Variants in DIP2A observed in about 807,000 individuals in gnomAD.
The protein encoded by DIP2A is disco-interacting protein 2 homolog A.
A neutral mutation model predicts 177.4 loss-of-function variants in DIP2A; 85 were observed. That is an observed-to-expected ratio of 0.48 (90% confidence interval 0.40 to 0.57). DIP2A has a LOEUF of 0.57. Among genes scored for constraint, DIP2A ranks in the 20% least tolerant of loss-of-function variants. The pLI is 0.00. For missense variants in DIP2A, 1,791 were observed against 2,100.2 expected (o/e 0.85, Z 2.88); for synonymous variants, 886 against 881.8 (o/e 1.00, Z -0.08).
chr21:46,533,957 G>C (rs1242261467), intron 11 of DIP2A, 47 bp from the exon 12 acceptor site: 1 of 1,522,712 alleles, frequency 6.6e-7, no homozygotes, highest in Non-Finnish European at 9.0e-7. Context: ...GTGGGGAGCA[G>C]ATGCCTCTGA....
intron 3 of DIP2A, among the ~76,000 whole-genome samples, chr21:46,495,281 T>TCTCTCTCTCTCTCTCTC (rs1555883154): frequency 6.8e-6 from 1 of 147,504 alleles, no homozygotes. Context: ...TCTCTCTCTG[T>TCTCTCTCTCTCTCTCTC]TTTTGAGATG....
intron 8 of DIP2A, among the ~76,000 whole-genome samples, chr21:46,527,952 C>G (rs1297870529): frequency 6.6e-6 from 1 of 152,136 alleles, no homozygotes; most frequent in Admixed American, 6.5e-5. Flanking sequence ...CTTTTCCTTT[C>G]TCTATTGTCC....
chr21:46,497,158 C>G (rs1419722491), intron 4 of DIP2A, 51 bp downstream of exon 4: 9 of 1,583,410 alleles, frequency 5.7e-6, no homozygotes, highest in Non-Finnish European at 7.7e-6. Flanking sequence ...TTTCACAGGC[C>G]TGATGTTATC....
At chr21:46,517,054 CTTTTTTTTTT>C (rs71318086) in intron 8 of DIP2A, among the ~76,000 whole-genome samples, 10 of 60,882 alleles carry the variant, frequency 1.6e-4, no homozygotes, top group East Asian at 1.3e-3. Flanking sequence ...TTTTCTCTCT[CTTTTTTTTTT>C]TTTTTTTTTT....
intron 22 of DIP2A, chr21:46,550,099 T>C: frequency 1.6e-6 from 2 of 1,243,784 alleles, no homozygotes; most frequent in African/African-American, 3.0e-5. Context: ...TATAGAATAA[T>C]TAATATATCC....
At chr21:46,538,690 G>A in intron 16 of DIP2A, 88 bp downstream of exon 16, 1 of 1,487,738 alleles carries the variant, frequency 6.7e-7, no homozygotes, top group Non-Finnish European at 9.0e-7. Context: ...CAAAATGGAG[G>A]CATTTTCACT....
rs570923474 is a variant in DIP2A, at chr21:46,562,945, G to A, written c.4090-913G>A. On this transcript the variant is annotated intron_variant, in intron 34 of 37. Coordinates refer to ENST00000417564, the MANE Select transcript of DIP2A (RefSeq NM_015151.4). ...TTTCCCTGGGTCATGGGGCCTCCAC[G>A]TCGCTCTTTTCCCTGCCCTGCCATG... Among the ~76,000 whole-genome samples, 42 of 152,300 alleles carry A rather than the reference G, an allele frequency of 2.8e-4. 1 individual carries two copies. Among genetic ancestry groups the A allele is most frequent in the African/African-American group, 8.7e-4 (36 of 41,560 alleles).
In DIP2A at chr21:46,509,396, G is replaced by C; in HGVS notation, c.904+20G>C. 1 of 1,594,074 alleles carries C rather than the reference G, an allele frequency of 6.3e-7. No individual in the cohort carries two copies. Among genetic ancestry groups the C allele is most frequent in the South Asian group, 1.1e-5 (1 of 87,964 alleles). On this transcript the variant is annotated intron_variant, in intron 7 of 37. Transcript: ENST00000417564. ...TGGAAGGTAAGAGTTGTCCAACTTT[G>C]AGCTTTTCTGTTTGTATGAAAAGGG... is the stretch of plus-strand genomic sequence containing the variant.
At position 46,498,727 on chromosome 21, in the gene DIP2A, C is replaced by A. The variant is rs375033500; in HGVS notation, c.549C>A (p.Thr183=). The A allele has an allele frequency of 1.5e-5, 24 of 1,613,790 alleles. No individual in the cohort carries two copies. The highest frequency in any genetic ancestry group is 1.9e-5 in the Non-Finnish European group (23 of 1,179,892). Residue 183 remains threonine, a synonymous_variant, in exon 5 of 38, where the codon ACC becomes ACA. Transcript: ENST00000417564. The surrounding 1 kb of genome is among the most constrained non-coding windows in gnomAD (Gnocchi z 4.3). ...GSSTSSSASS[T]SSHPGGRPTT... is the part of the protein sequence containing the mutation. ...CCACCTCATCCTCTGCATCCTCCAC[C>A]TCATCTCACCCGGGAGGGAGACCCA...
chr21:46,556,375 A>C lies in DIP2A; in HGVS notation c.3498+284A>C. ...TTGAAGAATCTCTTACCTTGCTGGGAGTCAATAGCTCAATTAAAATTTTTC... is the reference window on the plus strand; with the variant it reads ...TTGAAGAATCTCTTACCTTGCTGGGCGTCAATAGCTCAATTAAAATTTTTC... On this transcript the variant is annotated intron_variant, in intron 29 of 37. Coordinates refer to ENST00000417564, the MANE Select transcript of DIP2A (RefSeq NM_015151.4). The surrounding 1 kb of genome is among the most constrained non-coding windows in gnomAD (Gnocchi z 4.5). 7.2e-7 allele frequency: 1 copy of C among 1,394,274 alleles called. No individual in the cohort carries two copies. Among genetic ancestry groups the C allele is most frequent in the Non-Finnish European group, 9.5e-7 (1 of 1,047,622 alleles). 86.4% of individuals were successfully genotyped at this position (1,394,274 alleles called of 1,614,324 possible). A position where few individuals can be genotyped will look rare whatever the true frequency, so the allele number is the denominator to read the frequency against.
chr21:46,490,010 G>A (rs2056916392), intron 2 of DIP2A, among the ~76,000 whole-genome samples: 2 of 152,182 alleles, frequency 1.3e-5, no homozygotes, highest in Admixed American at 6.5e-5. Context: ...TGGGTGGTGC[G>A]GCGAGGGCAG....
chr21:46,466,232 TAC>T (rs2054817252), intron 1 of DIP2A, among the ~76,000 whole-genome samples: 1 of 152,126 alleles, frequency 6.6e-6, no homozygotes, highest in South Asian at 2.1e-4. Flanking sequence ...TGCACCACGT[TAC>T]AAAGTCATAG....
In DIP2A at chr21:46,490,725, G is replaced by A; in HGVS notation, c.283+6G>A. The A allele has an allele frequency of 6.4e-7, 1 of 1,569,038 alleles. No homozygotes were observed. On this transcript the variant is annotated splice_donor_region_variant and intron_variant, in intron 3 of 37. Transcript: ENST00000417564. ...GGATGAGCGCTTCCGGTCAGGTAGGGTCACAGCCTAGGCAGTGGGGAAGGT... is the reference window on the plus strand; with the variant it reads ...GGATGAGCGCTTCCGGTCAGGTAGGATCACAGCCTAGGCAGTGGGGAAGGT...
intron 17 of DIP2A, 114 bp from the exon 18 acceptor site, chr21:46,541,642 C>T: frequency 8.0e-7 from 1 of 1,255,624 alleles, no homozygotes; most frequent in Admixed American, 1.8e-5. Flanking sequence ...TCTCACAAGT[C>T]TGTAACATGG....
At position 46,557,894 on chromosome 21, in the gene DIP2A, C is replaced by T; in HGVS notation, c.3798+141C>T. 2 of 1,076,664 alleles carry T rather than the reference C, an allele frequency of 1.9e-6. No individual in the cohort carries two copies. The highest frequency in any genetic ancestry group is 2.6e-6 in the Non-Finnish European group (2 of 764,852). The allele number at this position is 1,076,664 out of a possible 1,614,324, so 66.7% of individuals were successfully genotyped here. A position where few individuals can be genotyped will look rare whatever the true frequency, so the allele number is the denominator to read the frequency against. ...AGAAAACCCTTTCCCACTAGGGGCC[C>T]TATGTACACATCTGTCCTCCCACGG... is the stretch of plus-strand genomic sequence containing the variant. On this transcript the variant is annotated intron_variant, in intron 31 of 37. Coordinates refer to ENST00000417564, the MANE Select transcript of DIP2A (RefSeq NM_015151.4). This position sits in a 1 kb window ranked among gnomAD's most constrained non-coding sequence, Gnocchi z 6.0.
chr21:46,513,309 C>T (rs1285177242), intron 8 of DIP2A, among the ~76,000 whole-genome samples: 1 of 152,144 alleles, frequency 6.6e-6, no homozygotes, highest in Non-Finnish European at 1.5e-5. Flanking sequence ...AAGTTGGAGT[C>T]ATTTTCTTAT....
chr21:46,462,835 G>C (rs1380649243), intron 1 of DIP2A: 1 of 152,166 alleles, frequency 6.6e-6, no homozygotes, highest in Non-Finnish European at 1.5e-5. Context: ...AGTATCCTCT[G>C]CCTTTCTTCA....
chr21:46,573,682 A>AAAAAAAAAAAAAC (rs2060979878), downstream of DIP2A, among the ~76,000 whole-genome samples: 1 of 130,766 alleles, frequency 7.6e-6, no homozygotes, highest in Non-Finnish European at 1.6e-5. Flanking sequence ...AAAAAAAAAA[A>AAAAAAAAAAAAAC]AGATATTCCA....
intron 17 of DIP2A, among the ~76,000 whole-genome samples, chr21:46,541,009 CTG>C (rs1340979398): frequency 1.5e-5 from 2 of 132,236 alleles, no homozygotes; most frequent in African/African-American, 5.9e-5. Context: ...GAGTGAAACT[CTG>C]TGTCAAAAAA....
Sources: gnomAD v4.1 joint callset for allele counts (sites outside exome capture counted in the v4.1 genomes callset) on GRCh38, gnomAD v4.1.1 for gene constraint, Gnocchi (gnomAD v3.1) non-coding constraint, MANE v1.5 for transcripts, NCBI Gene and HGNC (gene_info 2026-07-23, HGNC 2026-07-21) for gene names.